Variants in GYPE observed in about 807,000 individuals in gnomAD.
GYPE encodes glycophorin-E.
A neutral mutation model predicts 11.6 loss-of-function variants in GYPE; 8 were observed. That is an observed-to-expected ratio of 0.69 (90% CI 0.41 to 1.25). GYPE has a LOEUF of 1.25. Ranked by LOEUF, GYPE falls within the 50% of genes most tolerant of loss-of-function variation. GYPE has a pLI of 0.01. For synonymous variants in GYPE, 28 were observed against 29.6 expected, an observed-to-expected ratio of 0.94 and a Z score of 0.18; for missense variants, 90 against 92.8, an observed-to-expected ratio of 0.97 and a Z score of 0.12.
At chr4:143,890,901 G>C (rs1744377016) in intron 1 of GYPE, among the ~76,000 whole-genome samples, 1 of 151,504 alleles carries the variant, frequency 6.6e-6, no homozygotes, top group Non-Finnish European at 1.5e-5. Context: ...GTGTGAAACA[G>C]ACAGAGTTGA....
intron 3 of GYPE, among the ~76,000 whole-genome samples, chr4:143,876,376 A>G (rs1743809469): frequency 6.6e-6 from 1 of 152,140 alleles, no homozygotes; most frequent in Non-Finnish European, 1.5e-5. Context: ...GGCCTCCCCC[A>G]AAGTTTTAAA....
chr4:143,876,212 G>C (rs1578952322), intron 3 of GYPE, among the ~76,000 whole-genome samples: 3 of 152,114 alleles, frequency 2.0e-5, no homozygotes, highest in South Asian at 2.1e-4. Flanking sequence ...TTCCCAGGCT[G>C]AAGCAATCCT....
chr4:143,905,361 C>G (rs1745018559), intron 1 of GYPE, 110 bp downstream of exon 1: 1 of 1,534,252 alleles, frequency 6.5e-7, no homozygotes, highest in Admixed American at 1.9e-5. Flanking sequence ...AGAGGAAATA[C>G]TACTCATTTA....
chr4:143,881,415 A>G (rs1423156429), intron 1 of GYPE, among the ~76,000 whole-genome samples: 1 of 152,150 alleles, frequency 6.6e-6, no homozygotes, highest in Non-Finnish European at 1.5e-5. Flanking sequence ...TTTGGGAACT[A>G]CAAGAAAGCA....
chr4:143,894,789 C>T (rs1218593352), intron 1 of GYPE, among the ~76,000 whole-genome samples: 3 of 151,998 alleles, frequency 2.0e-5, no homozygotes, highest in Non-Finnish European at 2.9e-5. Context: ...AGCAGCACAT[C>T]AAAAAGCTTA....
intron 1 of GYPE, among the ~76,000 whole-genome samples, chr4:143,903,622 T>C (rs1337880549): frequency 1.3e-5 from 2 of 151,896 alleles, no homozygotes; most frequent in African/African-American, 4.8e-5. Context: ...TACACCTTTC[T>C]GTTATACTAT....
intron 2 of GYPE, among the ~76,000 whole-genome samples, chr4:143,877,386 C>A (rs1743858473): frequency 6.6e-6 from 1 of 152,154 alleles, no homozygotes; most frequent in African/African-American, 2.4e-5. Flanking sequence ...AGAATTATAA[C>A]TATAATGCAG....
chr4:143,875,724 C>A lies in GYPE; in HGVS notation c.*9+1022G>T, dbSNP rs950173073. On this transcript the variant is annotated intron_variant, in intron 3 of 3. Coordinates refer to ENST00000358615, the MANE Select transcript of GYPE (RefSeq NM_198682.3). ...GTGGCTCACATCTGTAATCCCAGCACTTTGGAGGCCAAGGCAGGTGGATCA... is the reference window on the plus strand; with the variant it reads ...GTGGCTCACATCTGTAATCCCAGCAATTTGGAGGCCAAGGCAGGTGGATCA... Among the ~76,000 whole-genome samples, 51 of 152,074 alleles carry A rather than the reference C, an allele frequency of 3.4e-4. 1 individual carries two copies. The highest frequency in any genetic ancestry group is 1.2e-3 in the African/African-American group (48 of 41,376).
In GYPE at chr4:143,872,181, A is replaced by G. The variant is rs371857550; in HGVS notation, c.*81T>C. ...CAGCCGTCAGGCACACAATTACACC[A>G]TGAACAGTGAAGTAAAAAAATGTCC... On this transcript the variant is annotated 3_prime_UTR_variant, in exon 4 of 4. Transcript: ENST00000358615. 5 of 152,504 alleles carry G rather than the reference A, an allele frequency of 3.3e-5. No individual in the cohort carries two copies. The highest frequency in any genetic ancestry group is 6.6e-5 in the Admixed American group (1 of 15,260). 9.4% of individuals were successfully genotyped at this position (152,504 alleles called of 1,614,324 possible).
At chr4:143,899,089 G>A (rs569471763) in intron 1 of GYPE, among the ~76,000 whole-genome samples, 1 of 146,714 alleles carries the variant, frequency 6.8e-6, no homozygotes, top group Non-Finnish European at 1.5e-5. Context: ...GGAGCAAAAG[G>A]CTAACATAAC....
chr4:143,888,958 C>CT (rs1176356443), intron 1 of GYPE, among the ~76,000 whole-genome samples: 1 of 130,912 alleles, frequency 7.6e-6, no homozygotes, highest in Non-Finnish European at 1.6e-5. Flanking sequence ...ATTCTCAATA[C>CT]TTTTTATTTG....
At chr4:143,891,045 A>G (rs998715031) in intron 1 of GYPE, among the ~76,000 whole-genome samples, 26 of 152,084 alleles carry the variant, frequency 1.7e-4, no homozygotes, top group African/African-American at 4.3e-4. Flanking sequence ...AGTTTTTCAA[A>G]TTGTCTGTTG....
rs1743612202 is a variant in GYPE at position 143,871,298 on chromosome 4, A to G, written c.*964T>C. ...AAGGAACCTAAATCCTGGTGTTTTTATGGTTACGGGTGGCATATAATATAC... is the reference window on the plus strand; with the variant it reads ...AAGGAACCTAAATCCTGGTGTTTTTGTGGTTACGGGTGGCATATAATATAC... On this transcript the variant is annotated 3_prime_UTR_variant, in exon 4 of 4. Transcript: ENST00000358615. 6.6e-6 allele frequency: 1 copy of G among 152,090 alleles called. No homozygotes were observed. Among genetic ancestry groups the G allele is most frequent in the African/African-American group, 2.4e-5 (1 of 41,408 alleles). 9.4% of individuals were successfully genotyped at this position (152,090 alleles called of 1,614,324 possible). A position where few individuals can be genotyped will look rare whatever the true frequency, so the allele number is the denominator to read the frequency against.
At chr4:143,881,698 A>G (rs995208616) in intron 1 of GYPE, among the ~76,000 whole-genome samples, 3 of 152,156 alleles carry the variant, frequency 2.0e-5, no homozygotes, top group South Asian at 2.1e-4. Context: ...TTATTTTTCA[A>G]TCTTCTATTC....
chr4:143,874,654 C>A (rs182375273), intron 3 of GYPE, among the ~76,000 whole-genome samples: 28 of 152,292 alleles, frequency 1.8e-4, no homozygotes, highest in African/African-American at 6.5e-4. Context: ...ATAAGGCAGT[C>A]AGAATGTATC....
chr4:143,883,555 T>A (rs964611810), intron 1 of GYPE, among the ~76,000 whole-genome samples: 14 of 29,740 alleles, frequency 4.7e-4, no homozygotes, highest in African/African-American at 1.7e-3. Context: ...TAAATTAATT[T>A]ATAATTATTA....
chr4:143,900,985 A>G (rs1744844550), intron 1 of GYPE, among the ~76,000 whole-genome samples: 2 of 152,196 alleles, frequency 1.3e-5, no homozygotes, highest in South Asian at 4.1e-4. Flanking sequence ...ACTTATGTGT[A>G]TTTTACTACA....
chr4:143,871,375 G>T lies in GYPE; in HGVS notation c.*887C>A, dbSNP rs1004021951. 45 of 152,084 alleles carry T rather than the reference G, an allele frequency of 3.0e-4. No individual in the cohort carries two copies. Among genetic ancestry groups the T allele is most frequent in the Non-Finnish European group, 5.7e-4 (39 of 68,030 alleles). The allele number at this position is 152,084 out of a possible 1,614,324, so 9.4% of individuals were successfully genotyped here. On this transcript the variant is annotated 3_prime_UTR_variant, in exon 4 of 4. Transcript: ENST00000358615. ...TGGAACTATTCCTATTCTTCCATAA[G>T]TAGCCACTAGGACCACGGCTGAAAC...
intron 3 of GYPE, chr4:143,875,475 C>G (rs1578951484): frequency 6.4e-7 from 1 of 1,550,994 alleles, no homozygotes; most frequent in East Asian, 2.4e-5. Context: ...TGGTTCTAGG[C>G]AAGATCAGGC....
Sources: gnomAD v4.1 joint callset for allele counts (sites outside exome capture counted in the v4.1 genomes callset) on GRCh38, gnomAD v4.1.1 for gene constraint, MANE v1.5 for transcripts, NCBI Gene and HGNC (gene_info 2026-07-23, HGNC 2026-07-21) for gene names.